Variants in PACRG observed in about 807,000 individuals in gnomAD.
PACRG encodes the protein parkin coregulated, also known as parkin coregulated gene protein.
A neutral mutation model predicts 29.7 loss-of-function variants in PACRG; 29 were observed. The ratio of observed to expected loss-of-function variants is 0.98; its 90% CI spans 0.73 to 1.33. The LOEUF (loss-of-function observed/expected upper bound fraction) is 1.33. Among genes scored for constraint, PACRG ranks in the 40% most tolerant of loss-of-function variants. The probability of loss-of-function intolerance (pLI) is 0.00; values close to 1 mark genes in which losing one functional copy is unlikely to be tolerated. For missense variants in PACRG, 279 were observed against 316.2 expected (o/e 0.88, Z 0.89); for synonymous variants, 116 against 118.7 (o/e 0.98, Z 0.15).
chr6:163,005,864 CAT>C (rs200147026), intron 2 of PACRG, among the ~76,000 whole-genome samples: 5,170 of 146,698 alleles, frequency 0.035, 307 homozygotes, highest in African/African-American at 0.12. Flanking sequence ...ATATATACAA[CAT>C]AGTTATACGT....
At chr6:162,925,891 C>T (rs1461989172) in intron 2 of PACRG, among the ~76,000 whole-genome samples, 1 of 151,916 alleles carries the variant, frequency 6.6e-6, no homozygotes, top group Admixed American at 6.6e-5. Flanking sequence ...CATGATCCTC[C>T]TATATCTAGA....
At chr6:163,024,524 A>G (rs1221330052) in intron 2 of PACRG, among the ~76,000 whole-genome samples, 11 of 152,152 alleles carry the variant, frequency 7.2e-5, no homozygotes, top group Admixed American at 7.2e-4. Context: ...CTCCACCTAT[A>G]TTCTTTTTGC....
chr6:163,239,654 TAC>T (rs1345530552), intron 4 of PACRG, among the ~76,000 whole-genome samples: 3 of 86,986 alleles, frequency 3.4e-5, no homozygotes, highest in African/African-American at 4.5e-5. Flanking sequence ...CCCCAACCCC[TAC>T]ACACACCCAC....
intron 2 of PACRG, among the ~76,000 whole-genome samples, chr6:162,835,257 T>A (rs953927809): frequency 3.3e-5 from 5 of 152,146 alleles, no homozygotes; most frequent in African/African-American, 1.2e-4. Context: ...ATACATGAAG[T>A]ATTACAAAGG....
chr6:163,046,794 A>C (rs926682317), intron 2 of PACRG: 1 of 152,180 alleles, frequency 6.6e-6, no homozygotes, highest in Non-Finnish European at 1.5e-5. Context: ...CAATGCTATA[A>C]CTATTGTAGC....
intron 1 of PACRG, among the ~76,000 whole-genome samples, chr6:162,785,191 A>G (rs865957950): frequency 6.9e-6 from 1 of 145,426 alleles, no homozygotes; most frequent in Non-Finnish European, 1.6e-5. Flanking sequence ...AGAGAGAGAG[A>G]GAGAGAGAGA....
intron 4 of PACRG, among the ~76,000 whole-genome samples, chr6:163,278,549 T>C (rs1297402361): frequency 6.6e-6 from 1 of 152,214 alleles, no homozygotes; most frequent in African/African-American, 2.4e-5. Flanking sequence ...TTCTTCTACA[T>C]GTGGCTTGCC....
chr6:162,819,638 A>G (rs1326676574), intron 2 of PACRG, among the ~76,000 whole-genome samples: 2 of 152,190 alleles, frequency 1.3e-5, no homozygotes, highest in Non-Finnish European at 2.9e-5. Context: ...CCTGGTACCT[A>G]GAACAGTACT....
At chr6:163,095,142 G>A (rs75604229) in intron 4 of PACRG, among the ~76,000 whole-genome samples, 1,548 of 152,170 alleles carry the variant, frequency 0.01, 33 homozygotes, top group African/African-American at 0.036. Context: ...ATGCCCCCAC[G>A]CGTGGTCAGC....
chr6:163,108,406 T>C (rs1286830410), intron 4 of PACRG, among the ~76,000 whole-genome samples: 2 of 144,536 alleles, frequency 1.4e-5, no homozygotes, highest in African/African-American at 5.1e-5. Context: ...TTTTTTTTTT[T>C]TTTTTTTTTT....
intron 4 of PACRG, among the ~76,000 whole-genome samples, chr6:163,289,750 CA>C (rs1335156930): frequency 6.6e-6 from 1 of 152,164 alleles, no homozygotes; most frequent in Non-Finnish European, 1.5e-5. Flanking sequence ...GGAGTGGGGA[CA>C]GGGGGAGCTG....
At chr6:162,738,057 C>CTT (rs1780299415) in intron 1 of PACRG, among the ~76,000 whole-genome samples, 2 of 152,014 alleles carry the variant, frequency 1.3e-5, no homozygotes, top group South Asian at 4.1e-4. Flanking sequence ...TTAATTGTAA[C>CTT]ATTATATTCT....
At chr6:162,985,275 T>C (rs1257728478) in intron 2 of PACRG, among the ~76,000 whole-genome samples, 1 of 151,814 alleles carries the variant, frequency 6.6e-6, no homozygotes, top group Non-Finnish European at 1.5e-5. Flanking sequence ...CAGACCAATA[T>C]CCCTGATGAA....
chr6:163,224,242 A>G (rs1444553125), intron 4 of PACRG, among the ~76,000 whole-genome samples: 3 of 151,660 alleles, frequency 2.0e-5, no homozygotes, highest in African/African-American at 4.8e-5. Flanking sequence ...AGTGACAGGC[A>G]CCTGTAATCC....
intron 4 of PACRG, among the ~76,000 whole-genome samples, chr6:163,249,618 C>G (rs1369898658): frequency 6.6e-6 from 1 of 152,164 alleles, no homozygotes; most frequent in Non-Finnish European, 1.5e-5. Flanking sequence ...TATTAGATTC[C>G]ATGGGACCTA....
intron 2 of PACRG, among the ~76,000 whole-genome samples, chr6:162,885,546 C>A (rs983307628): frequency 1.3e-5 from 2 of 152,170 alleles, no homozygotes; most frequent in Non-Finnish European, 2.9e-5. Flanking sequence ...GCTGGGATTA[C>A]AGGTGTGAGC....
rs575875822 is a variant in PACRG, at chr6:163,112,284, C to G, written c.613+22876C>G. Among the ~76,000 whole-genome samples the G allele has an allele frequency of 1.3e-3, 201 of 152,276 alleles. 2 individuals carry two copies. The highest frequency in any genetic ancestry group is 4.5e-3 in the African/African-American group (189 of 41,544). On this transcript the variant is annotated intron_variant, in intron 4 of 4. Coordinates refer to ENST00000366888, the MANE Select transcript of PACRG (RefSeq NM_001080379.2). The stretch of plus-strand genomic sequence containing the variant: ...GTCATATAAGCTGGTAGCAAAGTGG[C>G]AGCTACCCATCCCCCAGTCCTATGG...
chr6:163,310,856 C>T (rs1785385678), intron 4 of PACRG: 2 of 152,148 alleles, frequency 1.3e-5, no homozygotes, highest in Non-Finnish European at 2.9e-5. Flanking sequence ...CGGTGGCCCT[C>T]GGTGACAAGA....
At chr6:163,149,102 T>C (rs1018803431) in intron 4 of PACRG, among the ~76,000 whole-genome samples, 1 of 151,818 alleles carries the variant, frequency 6.6e-6, no homozygotes, top group Non-Finnish European at 1.5e-5. Flanking sequence ...CGTGGCTGGC[T>C]TCCTTCCCCT....
Sources: gnomAD v4.1 joint callset for allele counts (sites outside exome capture counted in the v4.1 genomes callset) on GRCh38, gnomAD v4.1.1 for gene constraint, MANE v1.5 for transcripts, NCBI Gene and HGNC (gene_info 2026-07-23, HGNC 2026-07-21) for gene names.